DNAH8: variants seen among roughly 807,000 people sequenced by gnomAD.
The protein encoded by DNAH8 is axonemal beta dynein heavy chain 8.
Under a neutral mutation model 562.1 loss-of-function variants are expected in DNAH8, and 382 were observed. The observed-to-expected ratio is 0.68, with a 90% CI of 0.63 to 0.74. The LOEUF is 0.74. Ranked by LOEUF, DNAH8 falls within the 30% of genes least tolerant of loss-of-function variation. The probability of loss-of-function intolerance (pLI) is 0.00; values close to 1 mark genes in which losing one functional copy is unlikely to be tolerated. For missense variants in DNAH8, 5,203 were observed against 5,620.4 expected (o/e 0.93, Z 2.37); for synonymous variants, 1,881 against 1,919.4 (o/e 0.98, Z 0.52).
chr6:38,936,792 G>A (rs1484882803), intron 77 of DNAH8, among the ~76,000 whole-genome samples: 7 of 152,030 alleles, frequency 4.6e-5, no homozygotes, highest in Admixed American at 4.6e-4. Context: ...TCCCAATTTG[G>A]ACTTCCACAG....
intron 41 of DNAH8, among the ~76,000 whole-genome samples, chr6:38,854,631 A>G (rs895981476): frequency 6.6e-6 from 1 of 152,092 alleles, no homozygotes; most frequent in African/African-American, 2.4e-5. Context: ...TGTTAAATTG[A>G]GAAAAGAGTT....
intron 44 of DNAH8, 138 bp from the exon 45 acceptor site, chr6:38,863,735 A>G: frequency 1.6e-6 from 1 of 628,304 alleles, no homozygotes; most frequent in South Asian, 2.6e-5. Context: ...TTAAATATGT[A>G]TTTATCAACA....
intron 82 of DNAH8, among the ~76,000 whole-genome samples, chr6:38,954,066 AGAG>A (rs1226844569): frequency 6.6e-6 from 1 of 152,204 alleles, no homozygotes; most frequent in African/African-American, 2.4e-5. Context: ...TTGTAGAAAA[AGAG>A]GAGAAGGGAA....
intron 79 of DNAH8, among the ~76,000 whole-genome samples, chr6:38,944,384 G>A (rs925296656): frequency 6.6e-5 from 10 of 152,184 alleles, no homozygotes; most frequent in Admixed American, 1.3e-4. Flanking sequence ...TACTCAGGAC[G>A]ATGCTAGATG....
chr6:39,012,106 TG>T (rs1325460722), intron 89 of DNAH8, 108 bp from the exon 90 acceptor site: 1 of 736,354 alleles, frequency 1.4e-6, no homozygotes, highest in Non-Finnish European at 2.1e-6. Context: ...TCATTTGGGC[TG>T]GTAGAGATAC....
chr6:38,780,105 A>G (rs1410296010), intron 15 of DNAH8, 40 bp downstream of exon 15: 2 of 1,565,294 alleles, frequency 1.3e-6, no homozygotes, highest in Non-Finnish European at 1.7e-6. Flanking sequence ...ACATTAGCAC[A>G]AAAAGAAAAA....
Position 38,921,247 on chromosome 6 carries a change from C to T in DNAH8, c.10525-122C>T, listed in dbSNP as rs1254167876. The T allele has an allele frequency of 1.3e-5, 15 of 1,163,088 alleles. 1 individual carries two copies. The highest frequency in any genetic ancestry group is 4.9e-5 in the South Asian group (3 of 61,754). The allele number at this position is 1,163,088 out of a possible 1,614,324, so 72.0% of individuals were successfully genotyped here. A position where few individuals can be genotyped will look rare whatever the true frequency, so the allele number is the denominator to read the frequency against. On this transcript the variant is annotated intron_variant, in intron 70 of 92. Transcript: ENST00000327475. ...CGCTTTGCTTTCCCAGCTGAAGACA[C>T]GGAAACAGATGTGCTCGAAAGTCCC... is the stretch of plus-strand genomic sequence containing the variant.
chr6:38,940,706 C>G lies in DNAH8; in HGVS notation c.12007+1718C>G, dbSNP rs542385534. On this transcript the variant is annotated intron_variant, in intron 79 of 92. Coordinates refer to ENST00000327475, the MANE Select transcript of DNAH8 (RefSeq NM_001206927.2). ...CAAAGCCAGACACACAGCCACATCT[C>G]ACTTCAAAAAGAGCAGGGAAATGCA... Among the ~76,000 whole-genome samples the G allele has an allele frequency of 3.3e-5, 5 of 152,258 alleles. No individual in the cohort carries two copies. The South Asian group carries it at 1.0e-3, about 32-fold the overall frequency.
At chr6:38,727,388 G>A (rs931954043) in intron 3 of DNAH8, among the ~76,000 whole-genome samples, 1 of 152,242 alleles carries the variant, frequency 6.6e-6, no homozygotes, top group Non-Finnish European at 1.5e-5. Flanking sequence ...CAGCCACTGG[G>A]AGGCACAGCA....
intron 63 of DNAH8, 95 bp from the exon 64 acceptor site, chr6:38,907,861 T>C (rs1470357273): frequency 1.9e-6 from 2 of 1,067,632 alleles, no homozygotes; most frequent in African/African-American, 3.3e-5. Context: ...TGAAACAAGA[T>C]GACATGCAAA....
chr6:38,958,813 A>G (rs972277759), intron 82 of DNAH8, among the ~76,000 whole-genome samples: 14 of 152,176 alleles, frequency 9.2e-5, no homozygotes, highest in African/African-American at 3.4e-4. Flanking sequence ...TTACTCTAAT[A>G]TCAAAACACA....
chr6:38,959,548 TA>T (rs1762475328), intron 82 of DNAH8, among the ~76,000 whole-genome samples: 1 of 151,942 alleles, frequency 6.6e-6, no homozygotes, highest in Non-Finnish European at 1.5e-5. Flanking sequence ...TACCTAGGAG[TA>T]AATTTAATTA....
At chr6:38,775,472 C>T (rs553792257) in intron 12 of DNAH8, among the ~76,000 whole-genome samples, 1 of 152,136 alleles carries the variant, frequency 6.6e-6, no homozygotes, top group African/African-American at 2.4e-5. Flanking sequence ...GCTATTTAGT[C>T]AAGCTCCCCG....
intron 9 of DNAH8, 69 bp downstream of exon 9, chr6:38,750,658 AG>A (rs1370196500): frequency 8.2e-6 from 8 of 972,882 alleles, no homozygotes; most frequent in African/African-American, 1.6e-5. Flanking sequence ...CTAGCTACTC[AG>A]AAGGCTGAGG....
At chr6:38,922,389 A>G (rs1186200597) in intron 71 of DNAH8, among the ~76,000 whole-genome samples, 2 of 152,048 alleles carry the variant, frequency 1.3e-5, no homozygotes, top group African/African-American at 4.8e-5. Context: ...GATTTGGGAA[A>G]AGGTGCATGG....
chr6:38,949,673 G>A (rs1583436384), intron 81 of DNAH8, 103 bp downstream of exon 81: 2 of 702,844 alleles, frequency 2.8e-6, no homozygotes, highest in Non-Finnish European at 4.8e-6. Flanking sequence ...GTCATTGAAA[G>A]TAACGGCAAA....
intron 1 of DNAH8, among the ~76,000 whole-genome samples, chr6:38,717,627 A>ATT (rs34952417): frequency 1.4e-5 from 2 of 143,048 alleles, no homozygotes; most frequent in Non-Finnish European, 1.5e-5. Flanking sequence ...TGTACACATG[A>ATT]TTTTTTTTTT....
intron 62 of DNAH8, among the ~76,000 whole-genome samples, chr6:38,902,677 C>A (rs1042478655): frequency 7.2e-5 from 11 of 152,220 alleles, no homozygotes; most frequent in African/African-American, 2.6e-4. Flanking sequence ...TGTGTCTTAC[C>A]ACACTTGATT....
At chr6:38,896,409 A>G (rs936662870) in intron 60 of DNAH8, among the ~76,000 whole-genome samples, 184 bp downstream of exon 60, 2 of 152,002 alleles carry the variant, frequency 1.3e-5, no homozygotes, top group Non-Finnish European at 1.5e-5. Flanking sequence ...CCCTGTCTCT[A>G]TAAAAAATAA....
Sources: gnomAD v4.1 joint callset for allele counts (sites outside exome capture counted in the v4.1 genomes callset) on GRCh38, gnomAD v4.1.1 for gene constraint, MANE v1.5 for transcripts, NCBI Gene and HGNC (gene_info 2026-07-23, HGNC 2026-07-21) for gene names.